IGSF5: variants seen among roughly 807,000 people sequenced by gnomAD.
IGSF5 encodes immunoglobulin superfamily 5 like.
A neutral mutation model predicts 39.4 loss-of-function variants in IGSF5; 41 were observed. The observed-to-expected ratio is 1.04, with a 90% CI of 0.81 to 1.35. The LOEUF (loss-of-function observed/expected upper bound fraction) is 1.35, where lower values mean the gene tolerates loss of function less well. IGSF5 is among the 40% of genes most tolerant of loss of function. The probability of loss-of-function intolerance (pLI) is 0.00; values close to 1 mark genes in which losing one functional copy is unlikely to be tolerated. For missense variants in IGSF5, 487 were observed against 494.6 expected (o/e 0.98, Z 0.15); for synonymous variants, 183 against 175.3 (o/e 1.04, Z -0.34).
intron 3 of IGSF5, among the ~76,000 whole-genome samples, chr21:39,767,543 T>C (rs537860537): frequency 3.9e-5 from 6 of 152,326 alleles, no homozygotes; most frequent in Non-Finnish European, 8.8e-5. Flanking sequence ...TGAGTAGGTC[T>C]ATGTAAAGCC....
chr21:39,722,938 C>A, the IGSF5 span, among the ~76,000 whole-genome samples: 5 of 152,324 alleles, frequency 3.3e-5, no homozygotes, highest in South Asian at 1.0e-3. Flanking sequence ...GTAGTCCTCA[C>A]AAAGCTATGT....
At chr21:39,716,364 G>A in the IGSF5 span, among the ~76,000 whole-genome samples, 1 of 151,882 alleles carries the variant, frequency 6.6e-6, no homozygotes, top group East Asian at 1.9e-4. Context: ...ATTTATTTTA[G>A]GTTTGGGGGT....
Position 39,792,844 on chromosome 21 carries a change from A to T in IGSF5, c.1049-690A>T, listed in dbSNP as rs117024509. ...GAGTATTGAAGGCCGATGAGAGGGG[A>T]AGGCTGAACCCACTCCTCCTCTGCA... On this transcript the variant is annotated intron_variant, in intron 7 of 8. Transcript: ENST00000380588. Among the ~76,000 whole-genome samples, 269 of 152,248 alleles carry T rather than the reference A, an allele frequency of 1.8e-3. 7 individuals carry two copies. In the East Asian group the frequency reaches 0.036, roughly 21 times the overall value.
intron 4 of IGSF5, among the ~76,000 whole-genome samples, chr21:39,777,157 C>T (rs2080145598): frequency 6.6e-6 from 1 of 152,226 alleles, no homozygotes; most frequent in Admixed American, 6.5e-5. Context: ...AGCTCCCACA[C>T]AGTGGTCCAA....
chr21:39,775,842 T>C (rs1198780216), intron 4 of IGSF5, among the ~76,000 whole-genome samples: 1 of 152,190 alleles, frequency 6.6e-6, no homozygotes, highest in African/African-American at 2.4e-5. Context: ...CTGTAGACTT[T>C]ATGCAAATAC....
At chr21:39,746,081 G>T in intron 1 of IGSF5, 135 bp from the exon 2 acceptor site, 1 of 667,744 alleles carries the variant, frequency 1.5e-6, no homozygotes, top group Non-Finnish European at 2.7e-6. Context: ...GAAGCTGTGG[G>T]TCATGGGAGA....
upstream of IGSF5, among the ~76,000 whole-genome samples, chr21:39,742,209 C>T (rs1031424020): frequency 2.0e-5 from 3 of 151,878 alleles, no homozygotes; most frequent in African/African-American, 4.8e-5. Context: ...TATAATGGCC[C>T]CTGCTTTTAC....
At chr21:39,765,909 G>A (rs2080085422) in intron 3 of IGSF5, 57 bp downstream of exon 3, 2 of 1,516,714 alleles carry the variant, frequency 1.3e-6, no homozygotes, top group African/African-American at 1.4e-5. Flanking sequence ...GGGCAGGAAG[G>A]ACCTTCTAAA....
chr21:39,777,399 G>A (rs1244656836), intron 4 of IGSF5, among the ~76,000 whole-genome samples: 1 of 152,182 alleles, frequency 6.6e-6, no homozygotes, highest in African/African-American at 2.4e-5. Context: ...TCCTGGAGGC[G>A]GGCTTTGAAT....
At chr21:39,757,721 T>C (rs1244919500) in intron 2 of IGSF5, among the ~76,000 whole-genome samples, 1 of 152,004 alleles carries the variant, frequency 6.6e-6, no homozygotes, top group Non-Finnish European at 1.5e-5. Flanking sequence ...GGATTACAGG[T>C]GCATACCACC....
At chr21:39,758,145 G>T (rs1400205924) in intron 2 of IGSF5, among the ~76,000 whole-genome samples, 2 of 152,174 alleles carry the variant, frequency 1.3e-5, no homozygotes, top group Non-Finnish European at 2.9e-5. Context: ...GCCTGAGCTT[G>T]GTGGGCTGTT....
intron 4 of IGSF5, among the ~76,000 whole-genome samples, chr21:39,777,331 A>T (rs2080146417): frequency 6.6e-6 from 1 of 152,202 alleles, no homozygotes; most frequent in Non-Finnish European, 1.5e-5. Flanking sequence ...AATGTGGGTC[A>T]CCAACTATCT....
chr21:39,742,055 G>T (rs909693307), upstream of IGSF5, among the ~76,000 whole-genome samples: 1 of 151,910 alleles, frequency 6.6e-6, no homozygotes, highest in East Asian at 2.0e-4. Context: ...GATAGGGAAA[G>T]GAGGTGGAAT....
intron 2 of IGSF5, among the ~76,000 whole-genome samples, chr21:39,750,804 G>T (rs2080002139): frequency 6.6e-6 from 1 of 152,262 alleles, no homozygotes; most frequent in African/African-American, 2.4e-5. Context: ...GAAGGAGCCA[G>T]TTCCACCAGC....
chr21:39,726,158 C>G, the IGSF5 span: 2 of 152,214 alleles, frequency 1.3e-5, no homozygotes, highest in African/African-American at 4.8e-5. Flanking sequence ...GTGTGTTCAC[C>G]TCTCATGGGC....
At chr21:39,731,071 A>G in the IGSF5 span, among the ~76,000 whole-genome samples, 1 of 152,204 alleles carries the variant, frequency 6.6e-6, no homozygotes, top group Non-Finnish European at 1.5e-5. Flanking sequence ...GAGGCCCATC[A>G]GGCTGGGAGC....
At chr21:39,763,519 G>T (rs556716110) in intron 2 of IGSF5, among the ~76,000 whole-genome samples, 3 of 152,232 alleles carry the variant, frequency 2.0e-5, no homozygotes, top group Non-Finnish European at 4.4e-5. Flanking sequence ...AGTGACACGT[G>T]TGGCCTCCGG....
At chr21:39,771,823 G>A (rs1439985277) in intron 4 of IGSF5, among the ~76,000 whole-genome samples, 2 of 152,168 alleles carry the variant, frequency 1.3e-5, no homozygotes, top group East Asian at 1.9e-4. Context: ...GGCCCATAGC[G>A]CCTGTGAGCT....
At position 39,760,583 on chromosome 21, in the gene IGSF5, T is replaced by C. The variant is rs151257359; in HGVS notation, c.101-4952T>C. On this transcript the variant is annotated intron_variant, in intron 2 of 8. Transcript: ENST00000380588. ...GATGTGGGACTAAGTCAGGTCTTTT[T>C]TTTTTTTAGACGGAGTCTCACTCTG... 5.0e-4 allele frequency among the ~76,000 whole-genome samples: 76 copies of C among 152,204 alleles called. 1 individual carries two copies. In the East Asian group the frequency reaches 0.014, roughly 28 times the overall value.
Sources: gnomAD v4.1 joint callset for allele counts (sites outside exome capture counted in the v4.1 genomes callset) on GRCh38, gnomAD v4.1.1 for gene constraint, MANE v1.5 for transcripts, NCBI Gene and HGNC (gene_info 2026-07-23, HGNC 2026-07-21) for gene names.